Variants in CLYBL observed in about 807,000 individuals in gnomAD.
The protein encoded by CLYBL is citramalyl-CoA lyase, mitochondrial.
A neutral mutation model predicts 38.9 loss-of-function variants in CLYBL; 31 were observed. That is an observed-to-expected ratio of 0.80 (90% CI 0.60 to 1.08). The LOEUF (loss-of-function observed/expected upper bound fraction) is 1.08. CLYBL is among the 50% of genes least tolerant of loss of function. The probability of loss-of-function intolerance (pLI) is 0.00; values close to 1 mark genes in which losing one functional copy is unlikely to be tolerated. For missense variants in CLYBL, 434 were observed against 411.6 expected (o/e 1.05, Z -0.47); for synonymous variants, 171 against 158.6 (o/e 1.08, Z -0.59).
At chr13:99,767,554 CTCCTTA>C (rs1343066097) in intron 1 of CLYBL, among the ~76,000 whole-genome samples, 3 of 152,216 alleles carry the variant, frequency 2.0e-5, no homozygotes, top group Non-Finnish European at 2.9e-5. Flanking sequence ...CCTTTTCTCT[CTCCTTA>C]TCCTTCTGGA....
intron 2 of CLYBL, among the ~76,000 whole-genome samples, chr13:99,789,134 T>C (rs1293601953): frequency 6.6e-6 from 1 of 152,168 alleles, no homozygotes; most frequent in African/African-American, 2.4e-5. Flanking sequence ...TTTGTTAATC[T>C]TTTCAAAAAA....
downstream of CLYBL, chr13:99,894,739 G>A (rs906462698): frequency 1.1e-5 from 1 of 95,128 alleles, no homozygotes; most frequent in East Asian, 2.7e-4. Flanking sequence ...CCTGAGGCGG[G>A]GGGGGGGGGG....
intron 2 of CLYBL, among the ~76,000 whole-genome samples, chr13:99,820,007 T>G (rs565878497): frequency 6.6e-6 from 1 of 152,302 alleles, no homozygotes; most frequent in African/African-American, 2.4e-5. Context: ...ACATTTGCAC[T>G]CAGTGGCTGC....
chr13:99,695,292 C>T (rs986366604), intron 1 of CLYBL, among the ~76,000 whole-genome samples: 2 of 151,990 alleles, frequency 1.3e-5, no homozygotes, highest in Admixed American at 6.6e-5. Flanking sequence ...ATGGCTGACA[C>T]CCCTATAACA....
intron 2 of CLYBL, among the ~76,000 whole-genome samples, chr13:99,818,220 C>T (rs1212822431): frequency 2.6e-5 from 4 of 152,150 alleles, no homozygotes; most frequent in African/African-American, 4.8e-5. Context: ...TCTACTTCCA[C>T]CCCTCCTCTG....
At chr13:99,652,831 C>A (rs2047274884) in intron 1 of CLYBL, among the ~76,000 whole-genome samples, 2 of 152,198 alleles carry the variant, frequency 1.3e-5, no homozygotes, top group African/African-American at 4.8e-5. Context: ...CTTATTGCTT[C>A]TTAAGAATCA....
chr13:99,771,150 C>T (rs2049386461), intron 1 of CLYBL, among the ~76,000 whole-genome samples: 1 of 151,804 alleles, frequency 6.6e-6, no homozygotes, highest in South Asian at 2.1e-4. Flanking sequence ...AATCCTCCCA[C>T]CTCAGCCTCC....
intron 1 of CLYBL, among the ~76,000 whole-genome samples, chr13:99,693,378 T>C (rs1421406343): frequency 6.6e-6 from 1 of 152,092 alleles, no homozygotes; most frequent in Non-Finnish European, 1.5e-5. Flanking sequence ...CCAGCATACC[T>C]GGGAACACAG....
At chr13:99,658,181 A>G (rs1483363345) in intron 1 of CLYBL, among the ~76,000 whole-genome samples, 1 of 152,236 alleles carries the variant, frequency 6.6e-6, no homozygotes, top group Non-Finnish European at 1.5e-5. Flanking sequence ...CCGGTTTCAT[A>G]AGGGGCCGCC....
At chr13:99,858,427 C>T (rs536294109) in intron 2 of CLYBL, among the ~76,000 whole-genome samples, 1 of 152,176 alleles carries the variant, frequency 6.6e-6, no homozygotes, top group African/African-American at 2.4e-5. Context: ...AAGAAGCTGA[C>T]AGACGAGATG....
At chr13:99,873,782 T>C (rs2051968266) in intron 7 of CLYBL, among the ~76,000 whole-genome samples, 1 of 152,226 alleles carries the variant, frequency 6.6e-6, no homozygotes, top group Non-Finnish European at 1.5e-5. Context: ...CTACCCTTTC[T>C]TCCTGTCCTG....
At chr13:99,856,498 T>C (rs17612198) in intron 2 of CLYBL, among the ~76,000 whole-genome samples, 6,021 of 152,262 alleles carry the variant, frequency 0.04, 210 homozygotes, top group East Asian at 0.17. Context: ...AACCTGGAAG[T>C]CACATTGACA....
intron 1 of CLYBL, among the ~76,000 whole-genome samples, chr13:99,744,827 A>G: frequency 6.6e-6 from 1 of 152,186 alleles, no homozygotes; most frequent in Non-Finnish European, 1.5e-5. Context: ...CATCCCAGGT[A>G]GTAGGTCTGT....
At chr13:99,742,612 A>T (rs1358619450) in intron 1 of CLYBL, among the ~76,000 whole-genome samples, 1 of 152,232 alleles carries the variant, frequency 6.6e-6, no homozygotes, top group Non-Finnish European at 1.5e-5. Context: ...TAAGTAAATC[A>T]CTTTAGAAAT....
chr13:99,715,849 C>T (rs1266068509), intron 1 of CLYBL, among the ~76,000 whole-genome samples: 1 of 152,118 alleles, frequency 6.6e-6, no homozygotes, highest in Non-Finnish European at 1.5e-5. Context: ...TGTTGATTCA[C>T]TCTCCATTTG....
chr13:99,710,563 T>A (rs1166780463), intron 1 of CLYBL, among the ~76,000 whole-genome samples: 1 of 152,204 alleles, frequency 6.6e-6, no homozygotes. Context: ...AGGGGCTATA[T>A]TTCCAGGGAT....
At position 99,758,825 on chromosome 13, in the gene CLYBL, T is replaced by C. The variant is rs142131605; in HGVS notation, c.63-13999T>C. Among the ~76,000 whole-genome samples, 5 of 152,366 alleles carry C rather than the reference T, an allele frequency of 3.3e-5. No homozygotes were observed. The East Asian group carries it at 9.6e-4, about 29-fold the overall frequency. On this transcript the variant is annotated intron_variant, in intron 1 of 8. Coordinates refer to ENST00000339105, the MANE Select transcript of CLYBL (RefSeq NM_206808.5). Reference sequence around the variant, plus strand: ...CCCTAGAGCTTGCTCAGTGCTGGCCTTGTGCTGTCCTGCCTCTGATTCACA... The same window carrying C: ...CCCTAGAGCTTGCTCAGTGCTGGCCCTGTGCTGTCCTGCCTCTGATTCACA...
At chr13:99,680,731 A>G (rs1219200379) in intron 1 of CLYBL, among the ~76,000 whole-genome samples, 1 of 152,182 alleles carries the variant, frequency 6.6e-6, no homozygotes, top group African/African-American at 2.4e-5. Flanking sequence ...CCTATGCTCC[A>G]TATTTAGCCC....
chr13:99,877,522 C>A, intron 7 of CLYBL: 2 of 282,898 alleles, frequency 7.1e-6, no homozygotes, highest in South Asian at 2.9e-5. Context: ...TCAGAGCATT[C>A]TTTTATTTAT....
Sources: allele counts gnomAD v4.1 joint callset (sites outside exome capture counted in the v4.1 genomes callset), GRCh38; gene constraint gnomAD v4.1.1; transcripts MANE v1.5; gene names NCBI Gene and HGNC (gene_info 2026-07-23, HGNC 2026-07-21).